The following TULP3 variants were observed in gnomAD, a reference collection of about 807,000 sequenced individuals.
TULP3 encodes the protein tubby-related protein 3.
TULP3 carries 38 observed loss-of-function variants against 50.7 expected under a neutral mutation model. The observed-to-expected ratio is 0.75, with a 90% CI of 0.58 to 0.98. The LOEUF (loss-of-function observed/expected upper bound fraction) is 0.98. Among genes scored for constraint, TULP3 ranks in the 50% least tolerant of loss-of-function variants. The pLI is 0.00. For missense variants in TULP3, 550 were observed against 568.0 expected (o/e 0.97, Z 0.32); for synonymous variants, 183 against 196.6 (o/e 0.93, Z 0.58).
chr12:2,902,988 A>G (rs558346091), intron 1 of TULP3, among the ~76,000 whole-genome samples: 2 of 151,872 alleles, frequency 1.3e-5, no homozygotes, highest in South Asian at 4.2e-4. Flanking sequence ...CAGCCTCCAG[A>G]GTAGCTGGGA....
intron 4 of TULP3, among the ~76,000 whole-genome samples, chr12:2,925,120 A>T (rs898352508): frequency 6.6e-6 from 1 of 151,960 alleles, no homozygotes; most frequent in African/African-American, 2.4e-5. Flanking sequence ...GTGAGCCGAG[A>T]TCACGCCACT....
chr12:2,925,851 A>G (rs1245989091), intron 4 of TULP3, among the ~76,000 whole-genome samples: 1 of 152,180 alleles, frequency 6.6e-6, no homozygotes, highest in Non-Finnish European at 1.5e-5. Flanking sequence ...GACTGTAAAC[A>G]CCACACTGTC....
rs1360511340 is a variant in TULP3 at position 2,938,182 on chromosome 12, G to A, written c.1092G>A (p.Lys364=). 1.1e-5 allele frequency: 17 copies of A among 1,614,068 alleles called. No individual in the cohort carries two copies. In the Middle Eastern group the frequency reaches 6.6e-4, roughly 62 times the overall value. Residue 364 remains lysine (K), a synonymous_variant, in exon 10 of 11, where the codon AAG becomes AAA. Transcript: ENST00000448120. ...TMENLVELHN[K]APVWNSDTQS... ...AAAATCTGGTTGAGCTGCACAACAA[G>A]GCCCCCGTCTGGAACAGTGACACTC...
chr12:2,917,773 A>T (rs2098189522), intron 2 of TULP3, among the ~76,000 whole-genome samples: 1 of 151,394 alleles, frequency 6.6e-6, no homozygotes, highest in African/African-American at 2.4e-5. Context: ...GCTCCTCGGG[A>T]GGCTGAGGCA....
At chr12:2,909,448 A>G (rs1261071862) in intron 1 of TULP3, 81 bp from the exon 2 acceptor site, 5 of 1,387,208 alleles carry the variant, frequency 3.6e-6, no homozygotes, top group Admixed American at 2.2e-5. Context: ...AAATAGCCCA[A>G]AAGAGTACAT....
chr12:2,933,370 G>T (rs1207575402), intron 6 of TULP3, 48 bp from the exon 7 acceptor site: 1 of 1,192,146 alleles, frequency 8.4e-7, no homozygotes, highest in South Asian at 1.2e-5. Flanking sequence ...CAGAGGTGGG[G>T]CAGGTTCTCT....
At chr12:2,908,576 A>T (rs2098183717) in intron 1 of TULP3, among the ~76,000 whole-genome samples, 1 of 149,904 alleles carries the variant, frequency 6.7e-6, no homozygotes, top group African/African-American at 2.5e-5. Flanking sequence ...AGGTGTGGCC[A>T]CCACACCTGG....
chr12:2,900,110 C>G (rs897939208), intron 1 of TULP3, among the ~76,000 whole-genome samples: 7 of 150,976 alleles, frequency 4.6e-5, no homozygotes, highest in Non-Finnish European at 1.0e-4. Flanking sequence ...GTGTTCCCAG[C>G]TACAGGGGAG....
rs1209485065 is a variant in TULP3 at position 2,930,273 on chromosome 12, TGAG to T, written c.424_426del (p.Glu142del). 17 of 1,612,640 alleles carry T rather than the reference TGAG, an allele frequency of 1.1e-5. No individual in the cohort carries two copies. The highest frequency in any genetic ancestry group is 5.0e-5 in the Admixed American group (3 of 59,928). The stretch of plus-strand genomic sequence containing the variant: ...ATATCTCTGAAAGTGTGAACTTCGA[TGAG>T]GAGACTGATGGAATATCCCAGTCAG... On this transcript the variant is annotated inframe_deletion, in exon 5 of 11. Transcript: ENST00000448120.
intron 1 of TULP3, among the ~76,000 whole-genome samples, chr12:2,907,437 T>C (rs1206118900): frequency 7.0e-6 from 1 of 143,560 alleles, no homozygotes; most frequent in Non-Finnish European, 1.5e-5. Context: ...ATCGTGCCAC[T>C]GCACTCCAGC....
At chr12:2,900,775 T>C (rs1348195429) in intron 1 of TULP3, among the ~76,000 whole-genome samples, 2 of 151,592 alleles carry the variant, frequency 1.3e-5, no homozygotes, top group African/African-American at 4.8e-5. Flanking sequence ...GGCTGGAGTG[T>C]GGCGGTGTGA....
chr12:2,900,973 C>T (rs2098178857), intron 1 of TULP3, among the ~76,000 whole-genome samples: 1 of 149,900 alleles, frequency 6.7e-6, no homozygotes, highest in Non-Finnish European at 1.5e-5. Context: ...TCTTAAAGTG[C>T]TGGGATTACA....
In TULP3 at chr12:2,939,962, A is replaced by G. The variant is rs1277942633; in HGVS notation, c.*518A>G. ...AGAATGGGATTTCATGTGCTTGGAA[A>G]CTTGCAGTAGAATCAGGGACTGACA... On this transcript the variant is annotated 3_prime_UTR_variant, in exon 11 of 11. Coordinates refer to ENST00000448120, the MANE Select transcript of TULP3 (RefSeq NM_003324.5). The surrounding 1 kb of genome is among the most constrained non-coding windows in gnomAD (Gnocchi z 4.0). 3 of 1,274,952 alleles carry G rather than the reference A, an allele frequency of 2.4e-6. No individual in the cohort carries two copies. Among genetic ancestry groups the G allele is most frequent in the Non-Finnish European group, 3.1e-6 (3 of 976,992 alleles). 79.0% of individuals were successfully genotyped at this position (1,274,952 alleles called of 1,614,324 possible). A position where few individuals can be genotyped will look rare whatever the true frequency, so the allele number is the denominator to read the frequency against.
At chr12:2,936,526 G>A (rs1294377952) in intron 8 of TULP3, among the ~76,000 whole-genome samples, 4 of 151,318 alleles carry the variant, frequency 2.6e-5, no homozygotes, top group Non-Finnish European at 4.4e-5. Context: ...CAAGATGGGC[G>A]GATCACCTGA....
intron 4 of TULP3, among the ~76,000 whole-genome samples, chr12:2,929,854 G>A (rs911478764): frequency 3.3e-5 from 5 of 152,094 alleles, no homozygotes; most frequent in Non-Finnish European, 7.4e-5. Context: ...CTCCCAAAGT[G>A]CTGGGATTAC....
At chr12:2,897,605 T>G (rs1025682172) in intron 1 of TULP3, among the ~76,000 whole-genome samples, 7 of 151,482 alleles carry the variant, frequency 4.6e-5, no homozygotes, top group African/African-American at 1.7e-4. Context: ...ACCCCCTGTC[T>G]GTCTGTTGGT....
At chr12:2,914,632 G>GTAAAAATAAA (rs1439292919) in intron 2 of TULP3, among the ~76,000 whole-genome samples, 1 of 151,972 alleles carries the variant, frequency 6.6e-6, no homozygotes, top group East Asian at 1.9e-4. Flanking sequence ...GTTTCACTAG[G>GTAAAAATAAA]ATACTCTTTC....
At chr12:2,937,149 G>A (rs2098201738) in intron 8 of TULP3, among the ~76,000 whole-genome samples, 1 of 111,918 alleles carries the variant, frequency 8.9e-6, no homozygotes, top group African/African-American at 3.3e-5. Context: ...TTACTTTCCT[G>A]TTTTTGATTC....
chr12:2,901,404 C>CA (rs1264565112), intron 1 of TULP3, among the ~76,000 whole-genome samples: 1 of 142,908 alleles, frequency 7.0e-6, no homozygotes, highest in African/African-American at 2.6e-5. Flanking sequence ...TTTTTTGAGA[C>CA]AGAGTATCAC....
Sources: allele counts gnomAD v4.1 joint callset (sites outside exome capture counted in the v4.1 genomes callset), GRCh38; gene constraint gnomAD v4.1.1; non-coding constraint Gnocchi (gnomAD v3.1); transcripts MANE v1.5; gene names NCBI Gene and HGNC (gene_info 2026-07-23, HGNC 2026-07-21).